The following SPTLC3 variants were observed in gnomAD, a reference collection of about 807,000 sequenced individuals.
SPTLC3 encodes serine palmitoyltransferase long chain base subunit 3.
A neutral mutation model predicts 59.3 loss-of-function variants in SPTLC3; 36 were observed. The observed-to-expected ratio is 0.61, with a 90% CI of 0.47 to 0.80. The LOEUF (loss-of-function observed/expected upper bound fraction) is 0.80, where lower values mean the gene tolerates loss of function less well. Among genes scored for constraint, SPTLC3 ranks in the 30% least tolerant of loss-of-function variants. SPTLC3 has a pLI of 0.00. For missense variants in SPTLC3, 625 were observed against 685.1 expected (o/e 0.91, Z 0.98); for synonymous variants, 257 against 240.8 (o/e 1.07, Z -0.62).
Position 13,117,662 on chromosome 20 carries a change from T to C in SPTLC3, c.1089T>C (p.Asp363=). The change falls in exon 8 of 12, where the codon GAT becomes GAC. Residue 363 remains aspartate, a synonymous_variant. Coordinates refer to ENST00000399002, the MANE Select transcript of SPTLC3 (RefSeq NM_018327.4). ...TTGGACTAGACCCTCATGAAGTTGA[T>C]GTGCTCATGGGCACATTCACCAAAA... ...EFFGLDPHEV[D]VLMGTFTKSF... is the part of the protein sequence containing the mutation. The C allele has an allele frequency of 1.2e-6, 2 of 1,614,070 alleles. No individual in the cohort carries two copies. Among genetic ancestry groups the C allele is most frequent in the Non-Finnish European group, 8.5e-7 (1 of 1,179,948 alleles).
chr20:13,133,585 T>C (rs1296124755), intron 9 of SPTLC3, among the ~76,000 whole-genome samples: 1 of 151,924 alleles, frequency 6.6e-6, no homozygotes, highest in Non-Finnish European at 1.5e-5. Flanking sequence ...AATACAAAAA[T>C]TAGCTGGGCA....
At chr20:13,108,289 C>A in intron 6 of SPTLC3, among the ~76,000 whole-genome samples, 1 of 152,216 alleles carries the variant, frequency 6.6e-6, no homozygotes, top group East Asian at 1.9e-4. Flanking sequence ...ATATTCACAA[C>A]TCTATTTCAA....
intron 1 of SPTLC3, among the ~76,000 whole-genome samples, chr20:13,039,004 T>C (rs1358956854): frequency 2.6e-5 from 4 of 152,144 alleles, no homozygotes; most frequent in Non-Finnish European, 5.9e-5. Flanking sequence ...GAACATACTT[T>C]GCATAATTTC....
At chr20:13,161,460 A>G (rs2038894712) in intron 11 of SPTLC3, among the ~76,000 whole-genome samples, 2 of 152,202 alleles carry the variant, frequency 1.3e-5, no homozygotes, top group African/African-American at 4.8e-5. Flanking sequence ...AATTGTCCAG[A>G]TATGAGCAAG....
intron 7 of SPTLC3, among the ~76,000 whole-genome samples, chr20:13,114,542 G>T (rs1213847253): frequency 6.6e-6 from 1 of 152,160 alleles, no homozygotes. Context: ...ATGCACATAT[G>T]CTGTAGCCTC....
In SPTLC3 at chr20:13,056,268, A is replaced by G. The variant is rs1054359923; in HGVS notation, c.303+7138A>G. 2.0e-4 allele frequency among the ~76,000 whole-genome samples: 31 copies of G among 152,180 alleles called. 1 individual carries two copies. Among genetic ancestry groups the G allele is most frequent in the Non-Finnish European group, 4.4e-5 (3 of 68,032 alleles). On this transcript the variant is annotated intron_variant, in intron 2 of 11. Transcript: ENST00000399002. ...TCTGATCTCTGTGAGGTCCAGAGCA[A>G]TAGTCAATAGACTCATGTAGATAAA... is the stretch of plus-strand genomic sequence containing the variant.
chr20:13,168,046 C>G lies in SPTLC3; in HGVS notation c.*3179C>G, dbSNP rs1248587626. ...CCCATTTTCCAAGTAACTTCTCTTT[C>G]TACAAAAATTGATCCAATATTGAAG... On this transcript the variant is annotated 3_prime_UTR_variant, in exon 12 of 12. Coordinates refer to ENST00000399002, the MANE Select transcript of SPTLC3 (RefSeq NM_018327.4). The G allele has an allele frequency of 6.6e-6, 1 of 152,134 alleles. No individual in the cohort carries two copies. Among genetic ancestry groups the G allele is most frequent in the Non-Finnish European group, 1.5e-5 (1 of 68,024 alleles). 9.4% of individuals were successfully genotyped at this position (152,134 alleles called of 1,614,324 possible). A position where few individuals can be genotyped will look rare whatever the true frequency, so the allele number is the denominator to read the frequency against.
At position 13,049,048 on chromosome 20, in the gene SPTLC3, C is replaced by T. The variant is rs761684184; in HGVS notation, c.221C>T (p.Thr74Ile). 3 of 1,613,790 alleles carry T rather than the reference C, an allele frequency of 1.9e-6. No homozygotes were observed. Among genetic ancestry groups the T allele is most frequent in the South Asian group, 2.2e-5 (2 of 91,030 alleles). ...VFTYMGYGIG[T>I]LFGYLRDFLR... is the part of the protein sequence containing the mutation. ...ACTTACATGGGATATGGAATTGGAA[C>T]CCTGTTTGGCTATCTCAGAGACTTT... The change falls in exon 2 of 12, where the codon ACC becomes ATC. Residue 74 changes from threonine (T) to isoleucine (I), a missense_variant. Transcript: ENST00000399002.
chr20:13,136,146 C>T (rs2038237956), intron 9 of SPTLC3, among the ~76,000 whole-genome samples: 1 of 152,116 alleles, frequency 6.6e-6, no homozygotes, highest in African/African-American at 2.4e-5. Flanking sequence ...ACACATGTCC[C>T]TCTCTGCCCT....
intron 4 of SPTLC3, among the ~76,000 whole-genome samples, chr20:13,089,759 C>T (rs531500576): frequency 2.9e-5 from 4 of 138,324 alleles, no homozygotes; most frequent in Non-Finnish European, 6.1e-5. Context: ...GCATTCCAGC[C>T]TGGATGACAG....
chr20:13,127,823 G>C (rs2038029748), intron 9 of SPTLC3, among the ~76,000 whole-genome samples: 1 of 152,110 alleles, frequency 6.6e-6, no homozygotes, highest in African/African-American at 2.4e-5. Flanking sequence ...CTGATCTCTA[G>C]GATCCCTTCC....
At chr20:13,117,389 C>A in intron 7 of SPTLC3, 117 bp from the exon 8 acceptor site, 1 of 998,144 alleles carries the variant, frequency 1.0e-6, no homozygotes, top group Non-Finnish European at 1.4e-6. Context: ...AACATGCCTT[C>A]AGAACAAAGG....
chr20:13,012,356 G>A (rs979063213), intron 1 of SPTLC3, among the ~76,000 whole-genome samples: 1 of 152,160 alleles, frequency 6.6e-6, no homozygotes, highest in Admixed American at 6.5e-5. Flanking sequence ...TAGGTTATGA[G>A]CCCTAACAGG....
intron 1 of SPTLC3, among the ~76,000 whole-genome samples, chr20:13,009,716 T>C (rs360529): frequency 0.23 from 34,717 of 152,126 alleles, 6,180 homozygotes; most frequent in African/African-American, 0.5. Flanking sequence ...CATATATTTT[T>C]GTCCAAGAGA....
At chr20:13,134,402 G>C (rs991853279) in intron 9 of SPTLC3, among the ~76,000 whole-genome samples, 1 of 152,158 alleles carries the variant, frequency 6.6e-6, no homozygotes, top group African/African-American at 2.4e-5. Context: ...ATCTGCTTAT[G>C]ATAGAGTCAC....
At chr20:13,016,285 C>A (rs1030898172) in intron 1 of SPTLC3, among the ~76,000 whole-genome samples, 4 of 152,060 alleles carry the variant, frequency 2.6e-5, no homozygotes, top group East Asian at 1.9e-4. Flanking sequence ...GCATTAAGTG[C>A]AAAGTCAAGT....
chr20:13,145,778 G>A (rs1250963188), intron 9 of SPTLC3, among the ~76,000 whole-genome samples: 1 of 152,140 alleles, frequency 6.6e-6, no homozygotes, highest in African/African-American at 2.4e-5. Flanking sequence ...CATGATACTG[G>A]TAAGAAAACA....
At chr20:13,164,084 G>A (rs978680232) in intron 11 of SPTLC3, among the ~76,000 whole-genome samples, 1 of 151,994 alleles carries the variant, frequency 6.6e-6, no homozygotes, top group Non-Finnish European at 1.5e-5. Flanking sequence ...TCCCTGGTGT[G>A]TGATGTTCCC....
At chr20:13,095,169 G>A (rs1989368045) in intron 6 of SPTLC3, among the ~76,000 whole-genome samples, 1 of 152,182 alleles carries the variant, frequency 6.6e-6, no homozygotes, top group Non-Finnish European at 1.5e-5. Flanking sequence ...CAGCATGACA[G>A]ATGATTGCTG....
Sources: allele counts gnomAD v4.1 joint callset (sites outside exome capture counted in the v4.1 genomes callset), GRCh38; gene constraint gnomAD v4.1.1; transcripts MANE v1.5; gene names NCBI Gene and HGNC (gene_info 2026-07-23, HGNC 2026-07-21).